The following KCNMB2 variants were observed in gnomAD, a reference collection of about 807,000 sequenced individuals.
KCNMB2 encodes the protein calcium-activated potassium channel subunit beta-2.
KCNMB2 carries 9 observed loss-of-function variants against 24.5 expected under a neutral mutation model. That is an observed-to-expected ratio of 0.37 (90% confidence interval 0.22 to 0.64). The LOEUF is 0.64. Ranked by LOEUF, KCNMB2 falls within the 30% of genes least tolerant of loss-of-function variation. KCNMB2 has a pLI of 0.63. For synonymous variants in KCNMB2, 109 were observed against 104.4 expected (o/e 1.04, Z -0.27); for missense variants, 226 against 284.3 (o/e 0.79, Z 1.47).
intron 1 of KCNMB2, among the ~76,000 whole-genome samples, chr3:178,649,099 A>G (rs114198456): frequency 2.4e-4 from 37 of 152,206 alleles, no homozygotes; most frequent in African/African-American, 8.7e-4. Flanking sequence ...TATGATTTAG[A>G]TGTTAGTTTC....
At chr3:178,649,539 A>G (rs563487586) in intron 1 of KCNMB2, among the ~76,000 whole-genome samples, 5 of 151,394 alleles carry the variant, frequency 3.3e-5, no homozygotes, top group Non-Finnish European at 5.9e-5. Flanking sequence ...TTACTGCCTC[A>G]ATTTTAGAAT....
chr3:178,708,022 T>A (rs1035493725), intron 1 of KCNMB2, among the ~76,000 whole-genome samples: 1 of 152,192 alleles, frequency 6.6e-6, no homozygotes, highest in Non-Finnish European at 1.5e-5. Flanking sequence ...CACTTCCAGT[T>A]TGGAGCTGAC....
chr3:178,728,679 T>A (rs6772891), intron 1 of KCNMB2, among the ~76,000 whole-genome samples: 18,294 of 152,172 alleles, frequency 0.12, 1,200 homozygotes, highest in Non-Finnish European at 0.14. Context: ...CTACCTGTGC[T>A]GTCCTTTTAT....
At chr3:178,698,735 A>G (rs531501369) in intron 1 of KCNMB2, among the ~76,000 whole-genome samples, 2 of 152,250 alleles carry the variant, frequency 1.3e-5, no homozygotes, top group African/African-American at 4.8e-5. Context: ...ATTTGTTCTC[A>G]TCTTTGTGGG....
chr3:178,613,238 A>C (rs1718559128), intron 1 of KCNMB2, among the ~76,000 whole-genome samples: 1 of 152,154 alleles, frequency 6.6e-6, no homozygotes, highest in Non-Finnish European at 1.5e-5. Flanking sequence ...TCTCTACTAA[A>C]AATACAAAAA....
At chr3:178,709,141 A>G (rs959829897) in intron 1 of KCNMB2, among the ~76,000 whole-genome samples, 1 of 152,146 alleles carries the variant, frequency 6.6e-6, no homozygotes, top group Non-Finnish European at 1.5e-5. Context: ...GCCGAAGCCA[A>G]TTTGTTAGTT....
chr3:178,590,673 AATT>A (rs1325764297), intron 1 of KCNMB2, among the ~76,000 whole-genome samples: 6 of 152,180 alleles, frequency 3.9e-5, no homozygotes, highest in African/African-American at 1.4e-4. Flanking sequence ...CTGTGGTTGA[AATT>A]AATGCACAGA....
chr3:178,696,888 C>T lies in KCNMB2; in HGVS notation c.-67-110455C>T, dbSNP rs73047809. Among the ~76,000 whole-genome samples, 252 of 151,896 alleles carry T rather than the reference C, an allele frequency of 1.7e-3. 1 individual carries two copies. Among genetic ancestry groups the T allele is most frequent in the African/African-American group, 5.8e-3 (241 of 41,350 alleles). Reference sequence around the variant, plus strand: ...TAAACAATGAAATTCAGAAGGAAGTCATTCAATTTACTTGTAATTGCATGG... The same window carrying T: ...TAAACAATGAAATTCAGAAGGAAGTTATTCAATTTACTTGTAATTGCATGG... On this transcript the variant is annotated intron_variant, in intron 1 of 4. Transcript: ENST00000452583.
intron 1 of KCNMB2, among the ~76,000 whole-genome samples, chr3:178,758,558 G>GGA (rs1167658649): frequency 3.9e-5 from 1 of 25,518 alleles, no homozygotes. Context: ...ATATCCAAGA[G>GGA]GAGATATATA....
chr3:178,756,536 C>G lies in KCNMB2; in HGVS notation c.-67-50807C>G, dbSNP rs368982515. On this transcript the variant is annotated intron_variant, in intron 1 of 4. Coordinates refer to ENST00000452583, the MANE Select transcript of KCNMB2 (RefSeq NM_181361.3). ...TATTTCTTTATAATAACACACTAGTCAAGAAGAGTTTAAATTTTTCCTGAA... is the reference window on the plus strand; with the variant it reads ...TATTTCTTTATAATAACACACTAGTGAAGAAGAGTTTAAATTTTTCCTGAA... Among the ~76,000 whole-genome samples, 56 of 152,166 alleles carry G rather than the reference C, an allele frequency of 3.7e-4. 1 individual carries two copies. In the South Asian group the frequency reaches 0.011, roughly 30 times the overall value.
At chr3:178,738,766 C>G (rs927904142) in intron 1 of KCNMB2, among the ~76,000 whole-genome samples, 1 of 152,164 alleles carries the variant, frequency 6.6e-6, no homozygotes, top group East Asian at 1.9e-4. Context: ...CCTCACAGTA[C>G]TTTTCCTTCA....
chr3:178,583,809 C>T (rs1022701307), intron 1 of KCNMB2, among the ~76,000 whole-genome samples: 6 of 152,110 alleles, frequency 3.9e-5, no homozygotes, highest in South Asian at 2.1e-4. Context: ...AAGAAGGAAA[C>T]GGCCAGAGTT....
intron 1 of KCNMB2, chr3:178,558,591 G>A (rs986409922): frequency 4.6e-5 from 7 of 152,048 alleles, no homozygotes; most frequent in African/African-American, 1.7e-4. Context: ...AATATTTCAC[G>A]GATCATAGTT....
At chr3:178,546,999 G>T (rs78552080) in intron 1 of KCNMB2, among the ~76,000 whole-genome samples, 6 of 152,176 alleles carry the variant, frequency 3.9e-5, no homozygotes, top group Admixed American at 3.9e-4. Flanking sequence ...CAATGTTCAC[G>T]TGACAGAAAC....
intron 1 of KCNMB2, among the ~76,000 whole-genome samples, chr3:178,666,840 G>C (rs567419260): frequency 6.6e-6 from 1 of 152,230 alleles, no homozygotes; most frequent in East Asian, 1.9e-4. Context: ...GTCCTAACTT[G>C]CAGTACCTTA....
intron 1 of KCNMB2, among the ~76,000 whole-genome samples, chr3:178,633,987 A>G (rs1344875831): frequency 6.6e-6 from 1 of 152,208 alleles, no homozygotes; most frequent in Admixed American, 6.5e-5. Context: ...CCTTTACTCC[A>G]GTTCCTAACA....
At chr3:178,614,865 G>T (rs1369499419) in intron 1 of KCNMB2, among the ~76,000 whole-genome samples, 1 of 152,120 alleles carries the variant, frequency 6.6e-6, no homozygotes, top group Non-Finnish European at 1.5e-5. Flanking sequence ...AAAGTGTTAG[G>T]TATTTATTGT....
chr3:178,615,123 A>G (rs1435712978), intron 1 of KCNMB2, among the ~76,000 whole-genome samples: 4 of 152,196 alleles, frequency 2.6e-5, no homozygotes, highest in South Asian at 2.1e-4. Context: ...AAGCAAACAG[A>G]GTCTCTTTCT....
intron 1 of KCNMB2, among the ~76,000 whole-genome samples, chr3:178,554,795 C>T (rs893035973): frequency 4.6e-5 from 7 of 152,132 alleles, no homozygotes; most frequent in African/African-American, 1.7e-4. Context: ...AAGTTGCTTG[C>T]AAATTAGTAC....
Sources: allele counts gnomAD v4.1 joint callset (sites outside exome capture counted in the v4.1 genomes callset), GRCh38; gene constraint gnomAD v4.1.1; transcripts MANE v1.5; gene names NCBI Gene and HGNC (gene_info 2026-07-23, HGNC 2026-07-21).